TMBIM6: variants seen among roughly 807,000 people sequenced by gnomAD.
TMBIM6 encodes the protein transmembrane BAX inhibitor motif containing 6.
In TMBIM6, 13 loss-of-function variants were observed where a neutral mutation model predicts 31.4. The ratio of observed to expected loss-of-function variants is 0.41; its 90% CI spans 0.27 to 0.66. The LOEUF (loss-of-function observed/expected upper bound fraction) is 0.66. Ranked by LOEUF, TMBIM6 falls within the 30% of genes least tolerant of loss-of-function variation. The pLI is 0.28. For missense variants in TMBIM6, 275 were observed against 289.5 expected (o/e 0.95, Z 0.36); for synonymous variants, 85 against 101.7 (o/e 0.84, Z 0.99).
At chr12:49,752,931 T>G (rs753944529) in intron 2 of TMBIM6, 42 bp from the exon 3 acceptor site, 1 of 1,541,330 alleles carries the variant, frequency 6.5e-7, no homozygotes, top group Non-Finnish European at 8.9e-7. Context: ...AAATATGAGA[T>G]TGATCTGGGA....
rs117948747 is a variant in TMBIM6, at chr12:49,764,083, T to G, written c.*1187T>G. 1 of 152,170 alleles carries G rather than the reference T, an allele frequency of 6.6e-6. No homozygotes were observed. The highest frequency in any genetic ancestry group is 6.5e-5 in the Admixed American group (1 of 15,280). The allele number at this position is 152,170 out of a possible 1,614,324, so 9.4% of individuals were successfully genotyped here. ...GGTCTGTTACCTGTTTTCCAGAAATTTGTGGCCTTTTAGGCGGGAGTTAGG... is the reference window on the plus strand; with the variant it reads ...GGTCTGTTACCTGTTTTCCAGAAATGTGTGGCCTTTTAGGCGGGAGTTAGG... On this transcript the variant is annotated 3_prime_UTR_variant, in exon 10 of 10. Transcript: ENST00000267115.
At position 49,759,274 on chromosome 12, in the gene TMBIM6, T is replaced by C; in HGVS notation, c.567T>C (p.Thr189=). 6.2e-7 allele frequency: 1 copy of C among 1,614,168 alleles called. No homozygotes were observed. The highest frequency in any genetic ancestry group is 2.2e-5 in the East Asian group (1 of 44,886). Reference sequence around the variant, plus strand: ...TGTGTGGCTTCGTCCTTTTTGATACTCAACTCATTATTGAAAAGGCCGAAC... The same window carrying C: ...TGTGTGGCTTCGTCCTTTTTGATACCCAACTCATTATTGAAAAGGCCGAAC... ...VVMCGFVLFD[T]QLIIEKAEHG... Residue 189 remains threonine (T), a synonymous_variant, in exon 8 of 10, where the codon ACT becomes ACC. Transcript: ENST00000267115.
At chr12:49,742,824 C>T (rs1592718393) in intron 1 of TMBIM6, among the ~76,000 whole-genome samples, 1 of 152,176 alleles carries the variant, frequency 6.6e-6, no homozygotes, top group East Asian at 1.9e-4. Flanking sequence ...TTGTTCTGGC[C>T]TAAAGAATAT....
chr12:49,755,660 C>T lies in TMBIM6; in HGVS notation c.191C>T (p.Ser64Phe). ...IQAGLLSALG[S>F]LILMIWLMAT... ...GCTGGCCTGCTGTCTGCCTTGGGCT[C>T]CCTGATATTGATGATTTGGCTGATG... Residue 64 changes from serine (S) to phenylalanine (F), a missense_variant, in exon 4 of 10, where the codon TCC (serine) becomes TTC (phenylalanine). By Grantham distance (155) the Ser-to-Phe change is radical (BLOSUM62 -2). Transcript: ENST00000267115. 6.2e-7 allele frequency: 1 copy of T among 1,614,056 alleles called. No individual in the cohort carries two copies. Among genetic ancestry groups the T allele is most frequent in the Non-Finnish European group, 8.5e-7 (1 of 1,179,998 alleles).
At chr12:49,760,342 C>G (rs1945692301) in intron 8 of TMBIM6, among the ~76,000 whole-genome samples, 1 of 152,174 alleles carries the variant, frequency 6.6e-6, no homozygotes, top group South Asian at 2.1e-4. Flanking sequence ...CCTGAATTTA[C>G]TGTGCTCAAG....
intron 3 of TMBIM6, among the ~76,000 whole-genome samples, chr12:49,754,151 GT>G (rs1341056691): frequency 6.6e-6 from 1 of 152,020 alleles, no homozygotes; most frequent in East Asian, 1.9e-4. Flanking sequence ...CTTTTAATTG[GT>G]GATTTTGCTG....
intron 3 of TMBIM6, among the ~76,000 whole-genome samples, chr12:49,755,112 C>T (rs1679522438): frequency 6.6e-6 from 1 of 152,120 alleles, no homozygotes; most frequent in Non-Finnish European, 1.5e-5. Context: ...CGTGTGCCAC[C>T]ATGCCTGGCT....
At chr12:49,746,902 C>T (rs1945405780) in intron 1 of TMBIM6, among the ~76,000 whole-genome samples, 2 of 151,970 alleles carry the variant, frequency 1.3e-5, no homozygotes, top group Admixed American at 6.5e-5. Context: ...GTAGCGCAAT[C>T]TCGGCTCACT....
At chr12:49,747,213 G>A (rs1475551050) in intron 1 of TMBIM6, among the ~76,000 whole-genome samples, 3 of 152,118 alleles carry the variant, frequency 2.0e-5, no homozygotes, top group Non-Finnish European at 1.5e-5. Flanking sequence ...GTGGGAACAA[G>A]GTTCAGGATG....
chr12:49,759,449 G>C (rs1050663038), intron 8 of TMBIM6, 128 bp downstream of exon 8: 1 of 726,086 alleles, frequency 1.4e-6, no homozygotes, highest in Admixed American at 2.3e-5. Flanking sequence ...GGAAACCCAC[G>C]GTTTTGGAAC....
At chr12:49,761,640 T>A in intron 8 of TMBIM6, 64 bp from the exon 9 acceptor site, 1 of 1,524,960 alleles carries the variant, frequency 6.6e-7, no homozygotes, top group Non-Finnish European at 9.1e-7. Flanking sequence ...ATATTCTGCA[T>A]CTTTGTGGGC....
intron 3 of TMBIM6, among the ~76,000 whole-genome samples, chr12:49,755,180 C>T (rs973096655): frequency 7.9e-5 from 12 of 152,060 alleles, no homozygotes; most frequent in Non-Finnish European, 1.3e-4. Context: ...TGGTCTCGAA[C>T]TCCTGATCTC....
At chr12:49,756,734 GTTTT>G (rs1171700002) in intron 4 of TMBIM6, among the ~76,000 whole-genome samples, 273 of 133,960 alleles carry the variant, frequency 2.0e-3, no homozygotes, top group African/African-American at 7.6e-3. Context: ...GCTTTTTTTT[GTTTT>G]TTTGTTTTTT....
In TMBIM6 at chr12:49,759,267, T is replaced by C; in HGVS notation, c.560T>C (p.Phe187Ser). 1 of 1,614,222 alleles carries C rather than the reference T, an allele frequency of 6.2e-7. No homozygotes were observed. The highest frequency in any genetic ancestry group is 8.5e-7 in the Non-Finnish European group (1 of 1,180,036). The change falls in exon 8 of 10, where the codon TTT (phenylalanine) becomes TCT (serine). Residue 187 changes from phenylalanine to serine, a missense_variant. Phe to Ser is a radical substitution (Grantham distance 155). Transcript: ENST00000267115. ...GTGGTCATGTGTGGCTTCGTCCTTT[T>C]TGATACTCAACTCATTATTGAAAAG... ...GLVVMCGFVL[F>S]DTQLIIEKAE... is the part of the protein sequence containing the mutation.
At chr12:49,757,442 T>A (rs1249828085) in intron 4 of TMBIM6, among the ~76,000 whole-genome samples, 1 of 152,206 alleles carries the variant, frequency 6.6e-6, no homozygotes, top group Non-Finnish European at 1.5e-5. Flanking sequence ...GCATTAAAGC[T>A]ATACATTGAG....
At chr12:49,749,318 G>C (rs143651695) in intron 1 of TMBIM6, among the ~76,000 whole-genome samples, 211 of 152,208 alleles carry the variant, frequency 1.4e-3, no homozygotes, top group African/African-American at 4.7e-3. Context: ...TGTACATTGT[G>C]TCATATACAT....
intron 7 of TMBIM6, 98 bp downstream of exon 7, chr12:49,758,860 C>A: frequency 9.6e-7 from 1 of 1,044,076 alleles, no homozygotes; most frequent in Non-Finnish European, 1.4e-6. Flanking sequence ...CTACTTTGGG[C>A]AGTGCTCTCT....
chr12:49,747,033 TC>T (rs1945408087), intron 1 of TMBIM6, among the ~76,000 whole-genome samples: 1 of 152,132 alleles, frequency 6.6e-6, no homozygotes, highest in African/African-American at 2.4e-5. Flanking sequence ...AGACTGGGTG[TC>T]ACCATGTTGG....
At chr12:49,753,140 C>A in intron 3 of TMBIM6, 59 bp downstream of exon 3, 2 of 1,446,730 alleles carry the variant, frequency 1.4e-6, no homozygotes, top group Non-Finnish European at 1.9e-6. Flanking sequence ...AAAAAACCAG[C>A]TCAGCAAGGT....
Sources: gnomAD v4.1 joint callset for allele counts (sites outside exome capture counted in the v4.1 genomes callset) on GRCh38, gnomAD v4.1.1 for gene constraint, MANE v1.5 for transcripts, NCBI Gene and HGNC (gene_info 2026-07-23, HGNC 2026-07-21) for gene names.